The following CASP1 variants were observed in gnomAD, a reference collection of about 807,000 sequenced individuals.
CASP1 encodes caspase 1.
CASP1 carries 31 observed loss-of-function variants against 41.2 expected under a neutral mutation model. That is an observed-to-expected ratio of 0.75 (90% CI 0.57 to 1.02). CASP1 has a LOEUF of 1.02. CASP1 is among the 50% of genes least tolerant of loss of function. The probability of loss-of-function intolerance (pLI) is 0.00; values close to 1 mark genes in which losing one functional copy is unlikely to be tolerated. For synonymous variants in CASP1, 163 were observed against 166.5 expected (o/e 0.98, Z 0.16); for missense variants, 490 against 495.7 (o/e 0.99, Z 0.11).
chr11:105,025,969 AT>A lies in CASP1; in HGVS notation c.*288del. ...ACCAGAAGTATTTCAAATTTCAGAT[AT>A]TTTTGTATATTGGAATTCAGCTGTA... is the stretch of plus-strand genomic sequence containing the variant. On this transcript the variant is annotated 3_prime_UTR_variant, in exon 9 of 9. Coordinates refer to ENST00000533400, the MANE Select transcript of CASP1 (RefSeq NM_001257118.3). 1 of 283,096 alleles carries A rather than the reference AT, an allele frequency of 3.5e-6. No individual in the cohort carries two copies. The highest frequency in any genetic ancestry group is 6.7e-6 in the Non-Finnish European group (1 of 149,912). The allele number at this position is 283,096 out of a possible 1,614,324, so 17.5% of individuals were successfully genotyped here.
chr11:105,029,943 A>G (rs1863577021), intron 5 of CASP1, 44 bp from the exon 6 acceptor site: 3 of 1,327,962 alleles, frequency 2.3e-6, no homozygotes, highest in African/African-American at 1.4e-5. Context: ...GTAATTAACT[A>G]TCATGGTACC....
At chr11:105,034,534 A>T in intron 1 of CASP1, 60 bp from the exon 2 acceptor site, 7 of 1,603,146 alleles carry the variant, frequency 4.4e-6, no homozygotes, top group Non-Finnish European at 5.1e-6. Flanking sequence ...CTCTCATGTA[A>T]TCAACAGAAA....
intron 7 of CASP1, 121 bp downstream of exon 7, chr11:105,029,003 G>A: frequency 1.2e-6 from 1 of 849,132 alleles, no homozygotes; most frequent in Non-Finnish European, 1.8e-6. Context: ...AGGGAATTCT[G>A]TGTATAACTT....
At chr11:105,035,616 C>CTTTTCTTTTTTTTTT (rs770202897), upstream of CASP1, among the ~76,000 whole-genome samples, 1 of 52,072 alleles carries the variant, frequency 1.9e-5, no homozygotes, top group African/African-American at 5.0e-5. Context: ...TTTTTTCTTT[C>CTTTTCTTTTTTTTTT]TGTTTTTTTT....
In CASP1 at chr11:105,033,142, G is replaced by C. The variant is rs1284692984; in HGVS notation, c.275-16C>G. 6.8e-7 allele frequency: 1 copy of C among 1,460,198 alleles called. No individual in the cohort carries two copies. Among genetic ancestry groups the C allele is most frequent in the Non-Finnish European group, 9.6e-7 (1 of 1,046,714 alleles). The allele number at this position is 1,460,198 out of a possible 1,614,324, so 90.5% of individuals were successfully genotyped here. The stretch of plus-strand genomic sequence containing the variant: ...GATGTTTGATCTATGAAAAGATAAA[G>C]GGTATTGAAGTAGTCACTTATCATC... On this transcript the variant is annotated splice_polypyrimidine_tract_variant and intron_variant, in intron 2 of 8. Coordinates refer to ENST00000533400, the MANE Select transcript of CASP1 (RefSeq NM_001257118.3).
rs1237067206 is a variant in CASP1 at position 105,030,946 on chromosome 11, T to C, written c.453+219A>G. ...ATTCTTAATAAGCATTCAATAGCTG[T>C]CATCACTGATGTTATTTACCCCGGA... On this transcript the variant is annotated intron_variant, in intron 4 of 8. Transcript: ENST00000533400. 8.0e-6 allele frequency: 4 copies of C among 496,994 alleles called. No individual in the cohort carries two copies. In the Admixed American group the frequency reaches 1.4e-4, roughly 17 times the overall value. 30.8% of individuals were successfully genotyped at this position (496,994 alleles called of 1,614,324 possible).
At chr11:105,033,456 T>C (rs191071086) in intron 2 of CASP1, among the ~76,000 whole-genome samples, 1 of 152,316 alleles carries the variant, frequency 6.6e-6, no homozygotes, top group East Asian at 1.9e-4. Flanking sequence ...CTTTAGGAAG[T>C]GCCACAGACA....
chr11:105,026,556 C>T (rs943063162), intron 8 of CASP1, 200 bp from the exon 9 acceptor site: 8 of 599,806 alleles, frequency 1.3e-5, no homozygotes, highest in African/African-American at 3.7e-5. Flanking sequence ...AAATCTGCTG[C>T]TGGATCTAAT....
In CASP1 at chr11:105,029,769, G is replaced by T. The variant is rs1200989874; in HGVS notation, c.758C>A (p.Pro253Gln). The T allele has an allele frequency of 6.2e-7, 1 of 1,613,600 alleles. No individual in the cohort carries two copies. The highest frequency in any genetic ancestry group is 2.2e-5 in the East Asian group (1 of 44,864). The change falls in exon 6 of 9, where the codon CCA becomes CAA. Residue 253 changes from proline (P) to glutamine (Q), a missense_variant. By Grantham distance (76) the Pro-to-Gln change is moderately conservative. Transcript: ENST00000533400. ...ICGKKHSEQV[P>Q]DILQLNAIFN... ...GATTGCATTGAGTTGTAGTATATCT[G>T]GGACTTGCTCAGAGTGTTTCTTCCC...
chr11:105,034,338 A>G lies in CASP1; in HGVS notation c.144T>C (p.Ala48=), dbSNP rs1446992747. ...AAGCTCGGGTCTTATCCATAACTGT[A>G]GCATTTTCACGTTTTACTTTCTCCA... The part of the protein sequence containing the change: ...EEMEKVKREN[A]TVMDKTRALI... The change falls in exon 2 of 9, where the codon GCT becomes GCC. Residue 48 remains alanine (A), a synonymous_variant. Coordinates refer to ENST00000533400, the MANE Select transcript of CASP1 (RefSeq NM_001257118.3). The G allele has an allele frequency of 6.2e-6, 10 of 1,614,022 alleles. No homozygotes were observed. Among genetic ancestry groups the G allele is most frequent in the Non-Finnish European group, 8.5e-6 (10 of 1,180,006 alleles).
Position 105,026,076 on chromosome 11 carries a change from G to A in CASP1, c.*182C>T, listed in dbSNP as rs1863258448. 1 of 466,154 alleles carries A rather than the reference G, an allele frequency of 2.1e-6. No homozygotes were observed. 28.9% of individuals were successfully genotyped at this position (466,154 alleles called of 1,614,324 possible). ...AAACATTTCCTTTGAATATCATGTG[G>A]GCGCTCACACAGTGTTGGATTTTAG... On this transcript the variant is annotated 3_prime_UTR_variant, in exon 9 of 9. Coordinates refer to ENST00000533400, the MANE Select transcript of CASP1 (RefSeq NM_001257118.3).
chr11:105,030,615 T>C (rs527774492), intron 4 of CASP1, 112 bp from the exon 5 acceptor site: 46 of 832,930 alleles, frequency 5.5e-5, no homozygotes, highest in Non-Finnish European at 8.0e-5. Flanking sequence ...CCAAACCCCA[T>C]GAACCATACA....
At chr11:105,026,793 C>T (rs1031936127) in intron 8 of CASP1, 49 bp downstream of exon 8, 3 of 932,088 alleles carry the variant, frequency 3.2e-6, no homozygotes, top group Admixed American at 1.7e-5. Context: ...ATTGCAATAG[C>T]CAAGCATTCA....
At chr11:105,034,843 A>G in intron 1 of CASP1, 1 of 609,284 alleles carries the variant, frequency 1.6e-6, no homozygotes, top group Non-Finnish European at 2.9e-6. Context: ...CCTCTGTCAG[A>G]CTTTCAACAT....
intron 3 of CASP1, among the ~76,000 whole-genome samples, chr11:105,032,702 C>T (rs114318710): frequency 3.0e-3 from 463 of 152,186 alleles, no homozygotes; most frequent in African/African-American, 0.011. Flanking sequence ...CACCAATAAC[C>T]AAGTTACACA....
Position 105,030,369 on chromosome 11 carries a change from C to T in CASP1, c.588G>A (p.Leu196=). The change falls in exon 5 of 9, where the codon CTG becomes CTA. Residue 196 remains leucine, a synonymous_variant. Transcript: ENST00000533400. ...TTTTTTTCACATCTACGCTGTACCCCAGATTTTGTAGCAGCATTGTCATGC... is the reference window on the plus strand; with the variant it reads ...TTTTTTTCACATCTACGCTGTACCCTAGATTTTGTAGCAGCATTGTCATGC... ...ITGMTMLLQN[L]GYSVDVKKNL... is the part of the protein sequence containing the mutation. 1.2e-6 allele frequency: 2 copies of T among 1,613,548 alleles called. No homozygotes were observed. The highest frequency in any genetic ancestry group is 1.7e-6 in the Non-Finnish European group (2 of 1,179,668).
Position 105,029,185 on chromosome 11 carries a change from A to G in CASP1, c.945T>C (p.Asp315=), listed in dbSNP as rs1863513181. The change falls in exon 7 of 9, where the codon GAT becomes GAC. Residue 315 remains aspartate (D), a synonymous_variant. Transcript: ENST00000533400. The stretch of plus-strand genomic sequence containing the variant: ...CTATGTGGGCTTTCTTAATAGCATC[A>G]TCCTCAAACTCTTCTGTAGTTGGTA... The part of the protein sequence containing the change: ...LSLPTTEEFE[D]DAIKKAHIEK... The G allele has an allele frequency of 6.2e-7, 1 of 1,613,320 alleles. No homozygotes were observed. Among genetic ancestry groups the G allele is most frequent in the Non-Finnish European group, 8.5e-7 (1 of 1,179,508 alleles).
chr11:105,032,946 A>T, intron 3 of CASP1, 118 bp downstream of exon 3: 1 of 653,336 alleles, frequency 1.5e-6, no homozygotes, highest in Non-Finnish European at 2.7e-6. Flanking sequence ...CAAAAAGAAA[A>T]TTATATGACC....
rs753028520 is a variant in CASP1 at position 105,035,127 on chromosome 11, T to TA, written c.-15_-14insT. On this transcript the variant is annotated 5_prime_UTR_variant, in exon 1 of 9. Transcript: ENST00000533400. ...CTCACCGGCCATGGCTTTTCTCTCC[T>TA]CCCTTCTTGTGTGACTGAAACTGAA... 6.8e-6 allele frequency: 11 copies of TA among 1,613,830 alleles called. No individual in the cohort carries two copies. The Admixed American group carries it at 1.7e-4, about 24-fold the overall frequency.
Sources: gnomAD v4.1 joint callset for allele counts (sites outside exome capture counted in the v4.1 genomes callset) on GRCh38, gnomAD v4.1.1 for gene constraint, MANE v1.5 for transcripts, NCBI Gene and HGNC (gene_info 2026-07-23, HGNC 2026-07-21) for gene names.